Variants in FOXP1 observed in about 807,000 individuals in gnomAD.
The protein encoded by FOXP1 is forkhead box protein P1.
A neutral mutation model predicts 98.2 loss-of-function variants in FOXP1; 15 were observed. That is an observed-to-expected ratio of 0.15 (90% CI 0.10 to 0.24). The LOEUF (loss-of-function observed/expected upper bound fraction) is 0.24. Ranked by LOEUF, FOXP1 falls within the 10% of genes least tolerant of loss-of-function variation. The pLI, the probability that FOXP1 is intolerant of heterozygous loss-of-function variation, is 1.00. For synonymous variants in FOXP1, 371 were observed against 314.5 expected (o/e 1.18, Z -1.90); for missense variants, 633 against 848.5 (o/e 0.75, Z 3.15).
At chr3:71,407,341 C>A (rs575560861) in intron 3 of FOXP1, among the ~76,000 whole-genome samples, 1 of 152,130 alleles carries the variant, frequency 6.6e-6, no homozygotes, top group Non-Finnish European at 1.5e-5. Context: ...TTTTAAAAAT[C>A]ATGCTTCTAA....
At chr3:71,042,637 C>T (rs1229821080) in intron 10 of FOXP1, among the ~76,000 whole-genome samples, 2 of 152,146 alleles carry the variant, frequency 1.3e-5, no homozygotes, top group African/African-American at 4.8e-5. Context: ...TTCATTGTTT[C>T]AATCAAGTGT....
chr3:71,143,497 A>T (rs1017293254), intron 6 of FOXP1, among the ~76,000 whole-genome samples: 1 of 152,212 alleles, frequency 6.6e-6, no homozygotes, highest in African/African-American at 2.4e-5. Flanking sequence ...TCCTGACCTT[A>T]GGCAGTGATC....
At chr3:71,496,682 T>G (rs2091437289) in intron 2 of FOXP1, among the ~76,000 whole-genome samples, 1 of 151,974 alleles carries the variant, frequency 6.6e-6, no homozygotes, top group Non-Finnish European at 1.5e-5. Context: ...TAGCTGGGTA[T>G]GGTGACGCCA....
At chr3:71,029,953 G>A (rs867351509) in intron 11 of FOXP1, among the ~76,000 whole-genome samples, 7 of 152,060 alleles carry the variant, frequency 4.6e-5, no homozygotes, top group Non-Finnish European at 1.0e-4. Flanking sequence ...TATTTATTGA[G>A]GACCTACTAT....
chr3:71,348,562 C>CGT, intron 4 of FOXP1, among the ~76,000 whole-genome samples: 2 of 139,056 alleles, frequency 1.4e-5, no homozygotes, highest in South Asian at 4.4e-4. Flanking sequence ...TGCGCGCGCG[C>CGT]ACGCATATGC....
At chr3:71,442,820 G>A (rs967663377) in intron 3 of FOXP1, among the ~76,000 whole-genome samples, 1 of 152,170 alleles carries the variant, frequency 6.6e-6, no homozygotes, top group East Asian at 1.9e-4. Context: ...GGCCCCACTT[G>A]GGACTTAATC....
intron 4 of FOXP1, among the ~76,000 whole-genome samples, chr3:71,326,254 T>C (rs957384991): frequency 1.9e-4 from 29 of 152,192 alleles, no homozygotes; most frequent in Admixed American, 9.2e-4. Context: ...AGTGCTGCAG[T>C]GCAAATAAAG....
chr3:71,192,187 G>A (rs527539230), intron 6 of FOXP1, among the ~76,000 whole-genome samples: 1 of 152,178 alleles, frequency 6.6e-6, no homozygotes, highest in African/African-American at 2.4e-5. Flanking sequence ...GCTACAACGG[G>A]AAAGGCCAAT....
Position 70,958,670 on chromosome 3 carries a change from G to T in FOXP1, c.*577C>A. 1 of 172,270 alleles carries T rather than the reference G, an allele frequency of 5.8e-6. No individual in the cohort carries two copies. Among genetic ancestry groups the T allele is most frequent in the Non-Finnish European group, 1.1e-5 (1 of 87,488 alleles). 10.7% of individuals were successfully genotyped at this position (172,270 alleles called of 1,614,324 possible). On this transcript the variant is annotated 3_prime_UTR_variant, in exon 21 of 21. Transcript: ENST00000649528. ...AAAAAAGCAATACATTAAAAAGTTT[G>T]GGATAATTATTTTTTAACCCCTCCC...
chr3:71,028,199 G>A (rs1355818049), intron 11 of FOXP1, among the ~76,000 whole-genome samples: 5 of 152,130 alleles, frequency 3.3e-5, no homozygotes, highest in African/African-American at 4.8e-5. Flanking sequence ...ACAGTCTTGA[G>A]AATTTTTCTC....
intron 4 of FOXP1, among the ~76,000 whole-genome samples, chr3:71,320,757 C>T (rs1216188574): frequency 1.3e-5 from 2 of 152,144 alleles, no homozygotes. Context: ...ACAATTTTTC[C>T]TTCTTTGGTT....
At chr3:71,483,166 C>G (rs968055673) in intron 3 of FOXP1, among the ~76,000 whole-genome samples, 4 of 152,196 alleles carry the variant, frequency 2.6e-5, no homozygotes, top group African/African-American at 9.6e-5. Flanking sequence ...GTCTACTTTT[C>G]TTCTTTGACT....
intron 7 of FOXP1, among the ~76,000 whole-genome samples, chr3:71,094,203 A>C (rs1372674941): frequency 6.6e-6 from 1 of 152,140 alleles, no homozygotes; most frequent in African/African-American, 2.4e-5. Context: ...CAAGTTCACA[A>C]TGGCTGTATT....
chr3:70,976,045 TCTC>T (rs1202206773), intron 17 of FOXP1, among the ~76,000 whole-genome samples: 2 of 81,096 alleles, frequency 2.5e-5, no homozygotes, highest in East Asian at 5.2e-4. Context: ...TGAGGGACAA[TCTC>T]CTTTTTTTTT....
chr3:71,284,726 T>C (rs550896905), intron 5 of FOXP1, among the ~76,000 whole-genome samples: 2 of 152,138 alleles, frequency 1.3e-5, no homozygotes, highest in East Asian at 1.9e-4. Context: ...TTAAGAACAC[T>C]TCATGACACA....
At chr3:71,374,613 A>G (rs985383820) in intron 3 of FOXP1, among the ~76,000 whole-genome samples, 1 of 152,104 alleles carries the variant, frequency 6.6e-6, no homozygotes, top group South Asian at 2.1e-4. Flanking sequence ...AAATAAAAAT[A>G]AAAATATCTG....
chr3:70,970,857 T>C, intron 18 of FOXP1, 52 bp from the exon 19 acceptor site: 3 of 1,396,896 alleles, frequency 2.1e-6, no homozygotes, highest in Non-Finnish European at 3.1e-6. Context: ...GACTGCTGAG[T>C]TCCTAGCTAA....
chr3:71,260,447 TGAA>T (rs778418926), intron 5 of FOXP1, among the ~76,000 whole-genome samples: 11 of 152,218 alleles, frequency 7.2e-5, no homozygotes, highest in Non-Finnish European at 1.5e-4. Context: ...CACTTTACGA[TGAA>T]GTCTGTTAAA....
chr3:71,390,192 T>C (rs2080925855), intron 3 of FOXP1, among the ~76,000 whole-genome samples: 1 of 152,176 alleles, frequency 6.6e-6, no homozygotes, highest in African/African-American at 2.4e-5. Flanking sequence ...CGCAATGCCT[T>C]CACCTTGCAT....
Sources: gnomAD v4.1 joint callset for allele counts (sites outside exome capture counted in the v4.1 genomes callset) on GRCh38, gnomAD v4.1.1 for gene constraint, MANE v1.5 for transcripts, NCBI Gene and HGNC (gene_info 2026-07-23, HGNC 2026-07-21) for gene names.